The following CACNA2D1 variants were observed in gnomAD, a reference collection of about 807,000 sequenced individuals.
The protein encoded by CACNA2D1 is calcium voltage-gated channel auxiliary subunit alpha2delta 1.
A neutral mutation model predicts 171.5 loss-of-function variants in CACNA2D1; 53 were observed. The observed-to-expected ratio is 0.31, with a 90% confidence interval of 0.25 to 0.39. The LOEUF (loss-of-function observed/expected upper bound fraction) is 0.39. Among genes scored for constraint, CACNA2D1 ranks in the 10% least tolerant of loss-of-function variants. The pLI is 1.00. For synonymous variants in CACNA2D1, 442 were observed against 443.1 expected (o/e 1.00, Z 0.03); for missense variants, 903 against 1,299.8 (o/e 0.69, Z 4.69).
chr7:82,119,186 A>G (rs533701116), intron 5 of CACNA2D1, among the ~76,000 whole-genome samples: 2 of 152,292 alleles, frequency 1.3e-5, no homozygotes, highest in African/African-American at 2.4e-5. Context: ...AAGAACATCT[A>G]TGTCTCCTTC....
At chr7:82,187,063 A>G (rs542845469) in intron 3 of CACNA2D1, among the ~76,000 whole-genome samples, 3 of 152,270 alleles carry the variant, frequency 2.0e-5, no homozygotes, top group Admixed American at 6.5e-5. Context: ...AATGATAATA[A>G]ATGATTTTTT....
chr7:82,276,748 CT>C (rs1809384633), intron 3 of CACNA2D1, among the ~76,000 whole-genome samples: 1 of 134,396 alleles, frequency 7.4e-6, no homozygotes, highest in African/African-American at 2.8e-5. Flanking sequence ...TTTTCTTTTT[CT>C]TTTTCTTTTT....
intron 3 of CACNA2D1, among the ~76,000 whole-genome samples, chr7:82,230,728 T>C (rs571871555): frequency 8.6e-4 from 131 of 152,322 alleles, no homozygotes; most frequent in African/African-American, 3.0e-3. Context: ...TTTTCATTTC[T>C]TCTAGAAATA....
At chr7:82,204,295 G>A (rs953776010) in intron 3 of CACNA2D1, among the ~76,000 whole-genome samples, 7 of 152,170 alleles carry the variant, frequency 4.6e-5, no homozygotes, top group African/African-American at 9.7e-5. Context: ...GGAGCTTATC[G>A]AGTCTTAGCC....
At chr7:82,037,585 T>A (rs1469162815) in intron 11 of CACNA2D1, among the ~76,000 whole-genome samples, 1 of 152,148 alleles carries the variant, frequency 6.6e-6, no homozygotes, top group Non-Finnish European at 1.5e-5. Context: ...CAGAAAGAAT[T>A]CCTGCTCCGG....
intron 5 of CACNA2D1, among the ~76,000 whole-genome samples, chr7:82,134,713 A>G (rs1414356840): frequency 6.6e-6 from 1 of 152,210 alleles, no homozygotes; most frequent in East Asian, 1.9e-4. Context: ...AAATGGGAAA[A>G]ACAAGACAAG....
At chr7:82,204,438 G>A (rs1227110603) in intron 3 of CACNA2D1, among the ~76,000 whole-genome samples, 1 of 152,158 alleles carries the variant, frequency 6.6e-6, no homozygotes, top group Non-Finnish European at 1.5e-5. Context: ...ACGGTAACCT[G>A]TTGCTGCCTG....
intron 1 of CACNA2D1, among the ~76,000 whole-genome samples, chr7:82,367,957 T>G (rs1158093868): frequency 2.0e-5 from 3 of 152,060 alleles, no homozygotes; most frequent in Non-Finnish European, 4.4e-5. Flanking sequence ...AACTGTTTCA[T>G]ATGGAGTCAG....
intron 1 of CACNA2D1, among the ~76,000 whole-genome samples, chr7:82,435,566 T>C (rs1830050899): frequency 1.3e-5 from 2 of 152,116 alleles, no homozygotes; most frequent in African/African-American, 4.8e-5. Context: ...GTCCTGAAAT[T>C]GTACTTCTAC....
intron 3 of CACNA2D1, among the ~76,000 whole-genome samples, chr7:82,200,931 A>G (rs1054528915): frequency 2.0e-5 from 3 of 152,240 alleles, no homozygotes; most frequent in Non-Finnish European, 4.4e-5. Flanking sequence ...GCGTGTGCAT[A>G]TATGTTATGC....
At chr7:82,399,684 C>A (rs1216747455) in intron 1 of CACNA2D1, among the ~76,000 whole-genome samples, 2 of 140,198 alleles carry the variant, frequency 1.4e-5, no homozygotes, top group African/African-American at 2.7e-5. Flanking sequence ...CTCCCTCCCA[C>A]TCCCCACCCC....
At chr7:82,299,564 G>C (rs1812743002) in intron 3 of CACNA2D1, among the ~76,000 whole-genome samples, 1 of 151,838 alleles carries the variant, frequency 6.6e-6, no homozygotes, top group Non-Finnish European at 1.5e-5. Flanking sequence ...GGGAAGCTGA[G>C]GCACAAGATC....
chr7:82,399,301 G>A (rs558044794), intron 1 of CACNA2D1, among the ~76,000 whole-genome samples: 4 of 152,110 alleles, frequency 2.6e-5, no homozygotes, highest in East Asian at 1.9e-4. Flanking sequence ...TTAGCCAGGC[G>A]TGGTGGGGGA....
Position 82,443,753 on chromosome 7 carries a change from C to T in CACNA2D1, c.-294G>A. ...ACTTTGGAAACAGACCTCGGCGAGC[C>T]CGCCGGCGCTCGCGCGCTCTCGCTC... On this transcript the variant is annotated 5_prime_UTR_variant, in exon 1 of 39. Coordinates refer to ENST00000356860, the MANE Select transcript of CACNA2D1 (RefSeq NM_000722.4). The T allele has an allele frequency of 8.5e-7, 1 of 1,175,134 alleles. No individual in the cohort carries two copies. Among genetic ancestry groups the T allele is most frequent in the Non-Finnish European group, 1.1e-6 (1 of 936,742 alleles). The allele number at this position is 1,175,134 out of a possible 1,614,324, so 72.8% of individuals were successfully genotyped here. A position where few individuals can be genotyped will look rare whatever the true frequency, so the allele number is the denominator to read the frequency against.
chr7:82,055,930 G>GTATATATAAATATATATATATATATA (rs1805812282), intron 10 of CACNA2D1, among the ~76,000 whole-genome samples: 1 of 111,476 alleles, frequency 9.0e-6, no homozygotes, highest in African/African-American at 3.6e-5. Flanking sequence ...GTGTGTGTGT[G>GTATATATAAATATATATATATATATA]TATATATATA....
chr7:82,005,667 T>C (rs1799046663), intron 17 of CACNA2D1, 98 bp downstream of exon 17: 1 of 942,846 alleles, frequency 1.1e-6, no homozygotes, highest in Non-Finnish European at 1.7e-6. Context: ...TTTGCTAAGA[T>C]AACTGCCCAT....
chr7:82,416,715 G>A (rs1422013578), intron 1 of CACNA2D1, among the ~76,000 whole-genome samples: 1 of 152,128 alleles, frequency 6.6e-6, no homozygotes, highest in Non-Finnish European at 1.5e-5. Context: ...AATATGATCT[G>A]ATCCTAACTA....
At chr7:81,982,386 C>T (rs565853582) in intron 24 of CACNA2D1, among the ~76,000 whole-genome samples, 181 bp downstream of exon 24, 25 of 152,190 alleles carry the variant, frequency 1.6e-4, no homozygotes, top group South Asian at 1.2e-3. Context: ...TTCGGCCTCT[C>T]GTATTTGAAT....
intron 2 of CACNA2D1, among the ~76,000 whole-genome samples, chr7:82,341,238 T>G (rs970304420): frequency 2.0e-5 from 3 of 152,192 alleles, no homozygotes; most frequent in Non-Finnish European, 2.9e-5. Flanking sequence ...CAAATACTAA[T>G]GTAGTATTTT....
Sources: gnomAD v4.1 joint callset for allele counts (sites outside exome capture counted in the v4.1 genomes callset) on GRCh38, gnomAD v4.1.1 for gene constraint, MANE v1.5 for transcripts, NCBI Gene and HGNC (gene_info 2026-07-23, HGNC 2026-07-21) for gene names.